The following PDE7B variants were observed in gnomAD, a reference collection of about 807,000 sequenced individuals.
PDE7B encodes the protein 3',5'-cyclic-AMP phosphodiesterase 7B.
PDE7B carries 29 observed loss-of-function variants against 56.2 expected under a neutral mutation model. The observed-to-expected ratio is 0.52, with a 90% CI of 0.38 to 0.70. The LOEUF (loss-of-function observed/expected upper bound fraction) is 0.70. Among genes scored for constraint, PDE7B ranks in the 30% least tolerant of loss-of-function variants. PDE7B has a pLI of 0.00. For synonymous variants in PDE7B, 197 were observed against 196.9 expected, an observed-to-expected ratio of 1.00 and a Z score of 0.00; for missense variants, 490 against 565.0, an observed-to-expected ratio of 0.87 and a Z score of 1.35.
At chr6:135,923,829 A>G (rs1357730343) in intron 1 of PDE7B, among the ~76,000 whole-genome samples, 1 of 152,194 alleles carries the variant, frequency 6.6e-6, no homozygotes, top group Non-Finnish European at 1.5e-5. Flanking sequence ...TATCCTTTAT[A>G]ATCAAAGAAA....
intron 2 of PDE7B, among the ~76,000 whole-genome samples, chr6:136,100,701 A>G (rs1302897964): frequency 6.6e-6 from 1 of 152,226 alleles, no homozygotes; most frequent in Non-Finnish European, 1.5e-5. Context: ...ATATGCTATC[A>G]TGTCATCTGC....
chr6:136,167,831 G>A (rs1778819306), intron 8 of PDE7B, among the ~76,000 whole-genome samples: 1 of 152,134 alleles, frequency 6.6e-6, no homozygotes, highest in Non-Finnish European at 1.5e-5. Context: ...GATACAAAAG[G>A]AACAAGGTCG....
At chr6:136,091,201 G>C (rs1777380079) in intron 2 of PDE7B, among the ~76,000 whole-genome samples, 1 of 152,162 alleles carries the variant, frequency 6.6e-6, no homozygotes, top group Admixed American at 6.5e-5. Context: ...AATATGCCCA[G>C]ATTCACTCCT....
chr6:136,062,025 T>C (rs1443261814), intron 2 of PDE7B, among the ~76,000 whole-genome samples: 2 of 152,180 alleles, frequency 1.3e-5, no homozygotes, highest in African/African-American at 4.8e-5. Context: ...AAATAGCATG[T>C]GATGCTTACT....
At chr6:136,038,737 A>T (rs1776368906) in intron 2 of PDE7B, among the ~76,000 whole-genome samples, 1 of 152,166 alleles carries the variant, frequency 6.6e-6, no homozygotes, top group Non-Finnish European at 1.5e-5. Context: ...AAATCAAGAA[A>T]CCTGGGTCCT....
intron 3 of PDE7B, among the ~76,000 whole-genome samples, chr6:136,144,200 ACTT>A (rs568031814): frequency 1.6e-4 from 25 of 152,168 alleles, no homozygotes; most frequent in South Asian, 1.5e-3. Context: ...ATTGTTTCAA[ACTT>A]CTTCTTCACA....
At chr6:136,177,097 G>A (rs1340804029) in intron 9 of PDE7B, among the ~76,000 whole-genome samples, 2 of 151,482 alleles carry the variant, frequency 1.3e-5, no homozygotes, top group African/African-American at 2.4e-5. Flanking sequence ...ATCAGAGTTG[G>A]GAAAAGTTTC....
At chr6:135,905,898 T>C (rs552057713) in intron 1 of PDE7B, among the ~76,000 whole-genome samples, 137 of 152,272 alleles carry the variant, frequency 9.0e-4, no homozygotes, top group Non-Finnish European at 1.7e-3. Context: ...CTGGATTGTT[T>C]GAGGAGAAGC....
intron 8 of PDE7B, among the ~76,000 whole-genome samples, chr6:136,162,849 C>G (rs1383967114): frequency 6.6e-6 from 1 of 152,226 alleles, no homozygotes; most frequent in Non-Finnish European, 1.5e-5. Flanking sequence ...AGTCATTAAA[C>G]CTTCAAGTTC....
rs1779259609 is a variant in PDE7B at position 136,193,293 on chromosome 6, A to T, written c.*1453A>T. On this transcript the variant is annotated 3_prime_UTR_variant, in exon 13 of 13. Coordinates refer to ENST00000308191, the MANE Select transcript of PDE7B (RefSeq NM_018945.4). ...GTTGGTGTGCATTTCTTTAGTGTCG[A>T]TAGTAACTGGATTTTTCTTTTTCCT... 6.6e-6 allele frequency: 1 copy of T among 152,654 alleles called. No homozygotes were observed. The highest frequency in any genetic ancestry group is 2.4e-5 in the African/African-American group (1 of 41,462). 9.5% of individuals were successfully genotyped at this position (152,654 alleles called of 1,614,324 possible).
chr6:136,184,654 G>A (rs371506886), intron 11 of PDE7B, among the ~76,000 whole-genome samples: 3 of 152,164 alleles, frequency 2.0e-5, no homozygotes, highest in South Asian at 4.1e-4. Context: ...AGATAAGAAC[G>A]AGAGGATTGT....
At chr6:136,146,336 A>G (rs548512055) in intron 3 of PDE7B, among the ~76,000 whole-genome samples, 2 of 152,320 alleles carry the variant, frequency 1.3e-5, no homozygotes, top group African/African-American at 4.8e-5. Context: ...ATATCTTGAC[A>G]GACATTCAAA....
intron 2 of PDE7B, among the ~76,000 whole-genome samples, chr6:136,105,952 G>C (rs185055288): frequency 5.9e-5 from 9 of 152,336 alleles, no homozygotes; most frequent in Non-Finnish European, 1.5e-5. Flanking sequence ...AAAGGTGAGC[G>C]TGAAAGTGCT....
chr6:135,963,397 T>C (rs1195315147), intron 2 of PDE7B, among the ~76,000 whole-genome samples: 1 of 152,226 alleles, frequency 6.6e-6, no homozygotes, highest in Non-Finnish European at 1.5e-5. Context: ...GTTAGTTTAC[T>C]TTCACTGTTC....
intron 1 of PDE7B, among the ~76,000 whole-genome samples, chr6:135,922,254 A>G (rs1474546910): frequency 6.6e-6 from 1 of 152,192 alleles, no homozygotes; most frequent in African/African-American, 2.4e-5. Flanking sequence ...TATATGAGTC[A>G]GTAAGGTACA....
At chr6:136,185,518 G>C (rs1779130171) in intron 11 of PDE7B, among the ~76,000 whole-genome samples, 1 of 152,026 alleles carries the variant, frequency 6.6e-6, no homozygotes, top group Admixed American at 6.5e-5. Context: ...GCTTTGGGAG[G>C]CTGAAGCAGG....
At chr6:136,157,717 GA>G (rs1352489969) in intron 8 of PDE7B, among the ~76,000 whole-genome samples, 1 of 152,012 alleles carries the variant, frequency 6.6e-6, no homozygotes, top group African/African-American at 2.4e-5. Context: ...GTTGCAGCGG[GA>G]AAAAAAAGAA....
intron 2 of PDE7B, among the ~76,000 whole-genome samples, chr6:136,103,660 G>A (rs1486175712): frequency 6.6e-6 from 1 of 152,156 alleles, no homozygotes; most frequent in Non-Finnish European, 1.5e-5. Context: ...TCACCTTTCT[G>A]ATACCAGCAC....
At chr6:135,900,585 C>A (rs931640871) in intron 1 of PDE7B, among the ~76,000 whole-genome samples, 13 of 150,852 alleles carry the variant, frequency 8.6e-5, no homozygotes, top group Admixed American at 3.3e-4. Flanking sequence ...TTTTTTTTTC[C>A]ATTTCTTTCA....
Sources: allele counts gnomAD v4.1 joint callset (sites outside exome capture counted in the v4.1 genomes callset), GRCh38; gene constraint gnomAD v4.1.1; transcripts MANE v1.5; gene names NCBI Gene and HGNC (gene_info 2026-07-23, HGNC 2026-07-21).